CDA: variants seen among roughly 807,000 people sequenced by gnomAD.
CDA encodes the protein cytidine aminohydrolase.
A neutral mutation model predicts 15.0 loss-of-function variants in CDA; 7 were observed. The ratio of observed to expected loss-of-function variants is 0.47; its 90% CI spans 0.26 to 0.87. CDA has a LOEUF of 0.87. Among genes scored for constraint, CDA ranks in the 40% least tolerant of loss-of-function variants. The pLI is 0.15. For synonymous variants in CDA, 58 were observed against 73.0 expected, an observed-to-expected ratio of 0.79 and a Z score of 1.05; for missense variants, 159 against 182.7, an observed-to-expected ratio of 0.87 and a Z score of 0.75.
intron 2 of CDA, among the ~76,000 whole-genome samples, chr1:20,605,401 T>C (rs1260655065): frequency 1.3e-5 from 2 of 151,848 alleles, no homozygotes; most frequent in East Asian, 1.9e-4. Context: ...GGCTCACGCC[T>C]GTAATCCCAG....
At chr1:20,589,512 G>T (rs2052529229) in intron 1 of CDA, among the ~76,000 whole-genome samples, 1 of 152,202 alleles carries the variant, frequency 6.6e-6, no homozygotes, top group African/African-American at 2.4e-5. Context: ...GATGAGGAAG[G>T]AAGTTGGATG....
chr1:20,590,323 C>G lies in CDA; in HGVS notation c.154+1040C>G, dbSNP rs1053378386. On this transcript the variant is annotated intron_variant, in intron 1 of 3. Coordinates refer to ENST00000375071, the MANE Select transcript of CDA (RefSeq NM_001785.3). ...AAAATCACAGAGCTGGGATTGGAAC[C>G]CAGACTTCCCCTGACTCCAAAAGCT... Among the ~76,000 whole-genome samples the G allele has an allele frequency of 1.4e-4, 22 of 152,272 alleles. No individual in the cohort carries two copies. The South Asian group carries it at 1.7e-3, about 11-fold the overall frequency.
At chr1:20,594,343 G>A (rs1043420133) in intron 1 of CDA, among the ~76,000 whole-genome samples, 4 of 152,232 alleles carry the variant, frequency 2.6e-5, no homozygotes, top group African/African-American at 9.6e-5. Flanking sequence ...GATGCACCTC[G>A]GGCTGGTAAC....
chr1:20,590,561 G>T (rs896954631), intron 1 of CDA, among the ~76,000 whole-genome samples: 4 of 152,122 alleles, frequency 2.6e-5, no homozygotes, highest in Non-Finnish European at 5.9e-5. Context: ...TTTCCAGATG[G>T]CACAGAAAGG....
At chr1:20,616,530 C>A (rs2052813896) in intron 3 of CDA, among the ~76,000 whole-genome samples, 1 of 152,028 alleles carries the variant, frequency 6.6e-6, no homozygotes. Flanking sequence ...GAAATAGCTG[C>A]CCTGCACGGT....
At chr1:20,589,738 G>A (rs2052531131) in intron 1 of CDA, among the ~76,000 whole-genome samples, 1 of 152,124 alleles carries the variant, frequency 6.6e-6, no homozygotes, top group African/African-American at 2.4e-5. Context: ...CTTGCCCAAG[G>A]TCACACGGGG....
chr1:20,592,126 G>A (rs377557393), intron 1 of CDA, among the ~76,000 whole-genome samples: 336 of 152,072 alleles, frequency 2.2e-3, no homozygotes, highest in Non-Finnish European at 2.9e-3. Flanking sequence ...ATGAGCCACC[G>A]CACCCAGCCA....
At chr1:20,599,617 CAAAAT>C (rs57315099) in intron 1 of CDA, among the ~76,000 whole-genome samples, 25 of 108,028 alleles carry the variant, frequency 2.3e-4, no homozygotes, top group South Asian at 5.7e-4. Flanking sequence ...ACTCCGTCTC[CAAAAT>C]AAAATAAAAT....
chr1:20,610,288 T>C (rs2052736322), intron 2 of CDA, among the ~76,000 whole-genome samples: 1 of 147,066 alleles, frequency 6.8e-6, no homozygotes. Flanking sequence ...TATTTTATTT[T>C]TATTTTTATT....
At chr1:20,606,273 C>T (rs1011173010) in intron 2 of CDA, among the ~76,000 whole-genome samples, 18 of 150,718 alleles carry the variant, frequency 1.2e-4, no homozygotes, top group Non-Finnish European at 2.5e-4. Context: ...AGGTGGAGCT[C>T]GCAGTGAGCT....
chr1:20,591,319 C>G (rs1002104448), intron 1 of CDA, among the ~76,000 whole-genome samples: 1 of 151,840 alleles, frequency 6.6e-6, no homozygotes, highest in African/African-American at 2.4e-5. Context: ...CCAGCCTGGG[C>G]GACAGAGCGA....
intron 1 of CDA, among the ~76,000 whole-genome samples, chr1:20,590,461 C>A (rs1379599361): frequency 6.6e-6 from 1 of 152,150 alleles, no homozygotes; most frequent in Non-Finnish European, 1.5e-5. Flanking sequence ...CAAACATTCA[C>A]CACCACCGCA....
At chr1:20,593,662 AC>A (rs1557545253) in intron 1 of CDA, among the ~76,000 whole-genome samples, 2 of 152,044 alleles carry the variant, frequency 1.3e-5, no homozygotes, top group Non-Finnish European at 2.9e-5. Context: ...GCAGTCTCAA[AC>A]CCCTGAGTTC....
In CDA at chr1:20,589,432, CCTGCCGA is replaced by C. The variant is rs1237286942; in HGVS notation, c.154+155_154+161del. Reference sequence around the variant, plus strand: ...CCAGTCTCCGCTGGAATGTTCCTACCCTGCCGACTGCCCCAGACCGCGCTCAAATGTG... The same window carrying C: ...CCAGTCTCCGCTGGAATGTTCCTACCCTGCCCCAGACCGCGCTCAAATGTG... On this transcript the variant is annotated intron_variant, in intron 1 of 3. Coordinates refer to ENST00000375071, the MANE Select transcript of CDA (RefSeq NM_001785.3). 1.8e-5 allele frequency: 14 copies of C among 788,572 alleles called. No homozygotes were observed. In the East Asian group the frequency reaches 3.8e-4, roughly 21 times the overall value. 48.8% of individuals were successfully genotyped at this position (788,572 alleles called of 1,614,324 possible).
At chr1:20,605,096 C>A in intron 2 of CDA, 57 bp downstream of exon 2, 1 of 995,508 alleles carries the variant, frequency 1.0e-6, no homozygotes, top group Non-Finnish European at 1.6e-6. Flanking sequence ...CCAACATCTT[C>A]CTTACACATA....
At chr1:20,610,763 T>C (rs1185846013) in intron 2 of CDA, among the ~76,000 whole-genome samples, 1 of 152,196 alleles carries the variant, frequency 6.6e-6, no homozygotes, top group African/African-American at 2.4e-5. Flanking sequence ...AATATGTATA[T>C]AACATTCTAA....
chr1:20,598,590 G>C (rs773934826), intron 1 of CDA, among the ~76,000 whole-genome samples: 11 of 152,238 alleles, frequency 7.2e-5, no homozygotes, highest in Non-Finnish European at 1.6e-4. Context: ...GGAAGTCCAA[G>C]ATTCAGTTCT....
intron 1 of CDA, among the ~76,000 whole-genome samples, chr1:20,592,085 C>T (rs1437365482): frequency 6.6e-6 from 1 of 152,142 alleles, no homozygotes; most frequent in African/African-American, 2.4e-5. Context: ...ATCCACCCGC[C>T]TCAGCCTCCC....
Position 20,600,338 on chromosome 1 carries a change from C to T in CDA, c.155-4590C>T, listed in dbSNP as rs550512000. ...TGGAAGGGCGGGGCTGGGAGAGTCACTAGGCTGGGAGTGAGGCTGGCAGGG... is the reference window on the plus strand; with the variant it reads ...TGGAAGGGCGGGGCTGGGAGAGTCATTAGGCTGGGAGTGAGGCTGGCAGGG... On this transcript the variant is annotated intron_variant, in intron 1 of 3. Coordinates refer to ENST00000375071, the MANE Select transcript of CDA (RefSeq NM_001785.3). Among the ~76,000 whole-genome samples, 149 of 152,160 alleles carry T rather than the reference C, an allele frequency of 9.8e-4. 1 individual carries two copies. In the Middle Eastern group the frequency reaches 0.02, roughly 21 times the overall value.
Sources: allele counts gnomAD v4.1 joint callset (sites outside exome capture counted in the v4.1 genomes callset), GRCh38; gene constraint gnomAD v4.1.1; transcripts MANE v1.5; gene names NCBI Gene and HGNC (gene_info 2026-07-23, HGNC 2026-07-21).